PON1: variants seen among roughly 807,000 people sequenced by gnomAD.
The protein encoded by PON1 is serum paraoxonase/arylesterase 1.
Under a neutral mutation model 39.2 loss-of-function variants are expected in PON1, and 37 were observed. The observed-to-expected ratio is 0.94, with a 90% CI of 0.73 to 1.24. The LOEUF (loss-of-function observed/expected upper bound fraction) is 1.24, where lower values mean the gene tolerates loss of function less well. Ranked by LOEUF, PON1 falls within the 50% of genes most tolerant of loss-of-function variation. The probability of loss-of-function intolerance (pLI) is 0.00; values close to 1 mark genes in which losing one functional copy is unlikely to be tolerated. For missense variants in PON1, 397 were observed against 413.5 expected (o/e 0.96, Z 0.35); for synonymous variants, 148 against 152.2 (o/e 0.97, Z 0.21).
At chr7:95,321,688 A>T (rs1433799816) in intron 1 of PON1, among the ~76,000 whole-genome samples, 1 of 151,328 alleles carries the variant, frequency 6.6e-6, no homozygotes, top group Non-Finnish European at 1.5e-5. Flanking sequence ...GATACTAAGG[A>T]CTCTTCCCTG....
At chr7:95,300,057 C>T (rs147668397) in intron 8 of PON1, among the ~76,000 whole-genome samples, 99 of 152,282 alleles carry the variant, frequency 6.5e-4, no homozygotes, top group Non-Finnish European at 1.0e-4. Flanking sequence ...CCTCCTGTCT[C>T]TAAATGTATA....
At chr7:95,306,780 G>C (rs1807549633) in intron 6 of PON1, among the ~76,000 whole-genome samples, 1 of 152,114 alleles carries the variant, frequency 6.6e-6, no homozygotes, top group Admixed American at 6.6e-5. Flanking sequence ...TTAATCCAGA[G>C]AAAATATGAG....
intron 3 of PON1, among the ~76,000 whole-genome samples, chr7:95,316,284 T>C (rs865898313): frequency 2.6e-5 from 4 of 152,148 alleles, no homozygotes; most frequent in African/African-American, 9.7e-5. Flanking sequence ...AGCTTGGGAA[T>C]TGGGAATTGG....
chr7:95,308,916 T>C (rs1363725847), intron 5 of PON1, among the ~76,000 whole-genome samples: 2 of 151,984 alleles, frequency 1.3e-5, no homozygotes, highest in Non-Finnish European at 2.9e-5. Context: ...AAATGTAAGA[T>C]ATATGAGTCT....
At chr7:95,316,198 G>T (rs1461598207) in intron 3 of PON1, among the ~76,000 whole-genome samples, 1 of 152,124 alleles carries the variant, frequency 6.6e-6, no homozygotes, top group Non-Finnish European at 1.5e-5. Context: ...GACTTCTTTT[G>T]TTTTGCACTA....
chr7:95,302,870 C>T (rs1716020441), intron 7 of PON1, among the ~76,000 whole-genome samples: 2 of 152,136 alleles, frequency 1.3e-5, no homozygotes, highest in South Asian at 4.2e-4. Flanking sequence ...TCTTTAGTTT[C>T]CTGATGTTGT....
intron 4 of PON1, among the ~76,000 whole-genome samples, chr7:95,313,618 A>ATG (rs3046663): frequency 0.17 from 24,925 of 146,870 alleles, 2,252 homozygotes; most frequent in South Asian, 0.33. Flanking sequence ...ATATATGTAT[A>ATG]TGTGTGTGTG....
chr7:95,303,145 G>GTT (rs1328288636), intron 7 of PON1, among the ~76,000 whole-genome samples: 1 of 152,118 alleles, frequency 6.6e-6, no homozygotes, highest in African/African-American at 2.4e-5. Flanking sequence ...TAAATAACTG[G>GTT]TCATGACTCA....
At chr7:95,302,091 T>G in intron 8 of PON1, 114 bp downstream of exon 8, 3 of 816,378 alleles carry the variant, frequency 3.7e-6, no homozygotes, top group Non-Finnish European at 5.0e-6. Context: ...AGCGATACTC[T>G]GTCACAAAAA....
intron 1 of PON1, among the ~76,000 whole-genome samples, chr7:95,322,792 C>T (rs1023723738): frequency 5.9e-5 from 9 of 152,114 alleles, no homozygotes; most frequent in African/African-American, 1.9e-4. Context: ...GTGGGAGACT[C>T]GTGGTCTAGG....
intron 7 of PON1, among the ~76,000 whole-genome samples, chr7:95,303,358 G>C (rs1585692198): frequency 6.8e-6 from 1 of 147,734 alleles, no homozygotes; most frequent in African/African-American, 2.5e-5. Flanking sequence ...CTCCATGCTT[G>C]CTTTCTCCAT....
intron 7 of PON1, among the ~76,000 whole-genome samples, chr7:95,304,630 C>A (rs1386357802): frequency 2.6e-5 from 4 of 152,120 alleles, no homozygotes; most frequent in Non-Finnish European, 5.9e-5. Flanking sequence ...CCGCACCCGG[C>A]CAAGAACTTC....
At chr7:95,321,182 C>T (rs576075920) in intron 1 of PON1, among the ~76,000 whole-genome samples, 1 of 152,222 alleles carries the variant, frequency 6.6e-6, no homozygotes, top group East Asian at 1.9e-4. Flanking sequence ...AATTCACTCA[C>T]TCCCAAGGAG....
At chr7:95,315,959 T>C (rs999589915) in intron 3 of PON1, among the ~76,000 whole-genome samples, 5 of 152,184 alleles carry the variant, frequency 3.3e-5, no homozygotes, top group African/African-American at 1.2e-4. Flanking sequence ...ACAATAAAGC[T>C]GTTGTTTTAT....
chr7:95,315,271 G>C lies in PON1; in HGVS notation c.370+51C>G, dbSNP rs777277691. 3 of 1,475,404 alleles carry C rather than the reference G, an allele frequency of 2.0e-6. No individual in the cohort carries two copies. In the Admixed American group the frequency reaches 5.1e-5, roughly 25 times the overall value. 91.4% of individuals were successfully genotyped at this position (1,475,404 alleles called of 1,614,324 possible). A position where few individuals can be genotyped will look rare whatever the true frequency, so the allele number is the denominator to read the frequency against. ...AATTCATTTATTGGCATGTTTTTCT[G>C]TTTTTGTTTTAAGTTTGGTTTTGGT... On this transcript the variant is annotated intron_variant, in intron 4 of 8. Transcript: ENST00000222381.
At chr7:95,304,778 G>A (rs993177592) in intron 7 of PON1, among the ~76,000 whole-genome samples, 5 of 152,028 alleles carry the variant, frequency 3.3e-5, no homozygotes, top group Non-Finnish European at 1.5e-5. Context: ...TAATTAATAC[G>A]GTCTTTCAAA....
rs984189347 is a variant in PON1 at position 95,298,783 on chromosome 7, A to G, written c.*161T>C. 5.9e-6 allele frequency: 5 copies of G among 848,862 alleles called. No individual in the cohort carries two copies. Among genetic ancestry groups the G allele is most frequent in the Admixed American group, 4.0e-5 (2 of 49,680 alleles). The allele number at this position is 848,862 out of a possible 1,614,324, so 52.6% of individuals were successfully genotyped here. Reference sequence around the variant, plus strand: ...TAGTGTATTCTCAAAAAAAAGCCCTACACATCATATCACTCCCAGTTAAAC... The same window carrying G: ...TAGTGTATTCTCAAAAAAAAGCCCTGCACATCATATCACTCCCAGTTAAAC... On this transcript the variant is annotated 3_prime_UTR_variant, in exon 9 of 9. Coordinates refer to ENST00000222381, the MANE Select transcript of PON1 (RefSeq NM_000446.7).
chr7:95,310,751 T>C (rs920403805), intron 5 of PON1, among the ~76,000 whole-genome samples: 1 of 152,144 alleles, frequency 6.6e-6, no homozygotes, highest in Non-Finnish European at 1.5e-5. Context: ...TATATAAAAA[T>C]AGGTTGGGAT....
At chr7:95,301,654 G>A (rs996461761) in intron 8 of PON1, among the ~76,000 whole-genome samples, 13 of 152,012 alleles carry the variant, frequency 8.6e-5, no homozygotes, top group Middle Eastern at 3.2e-3. Context: ...TGTATAGTCC[G>A]TTGATTAAAC....
Sources: gnomAD v4.1 joint callset for allele counts (sites outside exome capture counted in the v4.1 genomes callset) on GRCh38, gnomAD v4.1.1 for gene constraint, MANE v1.5 for transcripts, NCBI Gene and HGNC (gene_info 2026-07-23, HGNC 2026-07-21) for gene names.